PTPRD: variants seen among roughly 807,000 people sequenced by gnomAD.
PTPRD encodes the protein protein tyrosine phosphatase receptor type D.
A neutral mutation model predicts 214.5 loss-of-function variants in PTPRD; 34 were observed. That is an observed-to-expected ratio of 0.16 (90% CI 0.12 to 0.21). PTPRD has a LOEUF of 0.21. Ranked by LOEUF, PTPRD falls within the 10% of genes least tolerant of loss-of-function variation. The pLI, the probability that PTPRD is intolerant of heterozygous loss-of-function variation, is 1.00. For synonymous variants in PTPRD, 1,128 were observed against 845.7 expected, an observed-to-expected ratio of 1.33 and a Z score of -5.79; for missense variants, 2,545 against 2,398.7, an observed-to-expected ratio of 1.06 and a Z score of -1.27.
At chr9:8,625,854 C>T (rs561719297) in intron 14 of PTPRD, among the ~76,000 whole-genome samples, 3 of 150,436 alleles carry the variant, frequency 2.0e-5, no homozygotes, top group Admixed American at 1.3e-4. Context: ...GACTATTCCC[C>T]GATTGCCCAG....
At chr9:9,567,875 C>A (rs1563743081) in intron 8 of PTPRD, among the ~76,000 whole-genome samples, 1 of 151,852 alleles carries the variant, frequency 6.6e-6, no homozygotes. Flanking sequence ...AAGGTATTTG[C>A]TGGCAATAGG....
In PTPRD at chr9:8,820,658, T is replaced by C. The variant is rs549749421; in HGVS notation, c.-103-86712A>G. ...TATGCCTTTTTCTGGCATGGTAATA[T>C]TTTGTATTTAAAGAAATCAATTTCT... On this transcript the variant is annotated intron_variant, in intron 11 of 45. Coordinates refer to ENST00000381196, the MANE Select transcript of PTPRD (RefSeq NM_002839.4). Among the ~76,000 whole-genome samples the C allele has an allele frequency of 9.2e-5, 14 of 152,248 alleles. 1 individual carries two copies. Among genetic ancestry groups the C allele is most frequent in the African/African-American group, 3.4e-4 (14 of 41,566 alleles).
At chr9:9,736,350 T>C (rs1237207659) in intron 6 of PTPRD, among the ~76,000 whole-genome samples, 2 of 152,104 alleles carry the variant, frequency 1.3e-5, no homozygotes, top group Non-Finnish European at 2.9e-5. Flanking sequence ...TCATTCATCT[T>C]GTTGCTCATA....
intron 3 of PTPRD, among the ~76,000 whole-genome samples, chr9:10,263,642 T>C (rs1246683960): frequency 6.6e-6 from 1 of 151,902 alleles, no homozygotes; most frequent in Non-Finnish European, 1.5e-5. Context: ...AAGCAAAAAA[T>C]AAGAGTTTGG....
At chr9:10,071,666 A>G (rs2098019917) in intron 3 of PTPRD, among the ~76,000 whole-genome samples, 1 of 152,044 alleles carries the variant, frequency 6.6e-6, no homozygotes. Context: ...ATAAGTCTAA[A>G]ACTCTAAAAA....
At chr9:9,418,380 C>T (rs2077612773) in intron 8 of PTPRD, among the ~76,000 whole-genome samples, 1 of 151,930 alleles carries the variant, frequency 6.6e-6, no homozygotes, top group Non-Finnish European at 1.5e-5. Flanking sequence ...ACATAACTCA[C>T]TGGTCATGTT....
At chr9:10,588,919 G>T (rs1187521212) in intron 2 of PTPRD, among the ~76,000 whole-genome samples, 1 of 151,870 alleles carries the variant, frequency 6.6e-6, no homozygotes, top group South Asian at 2.1e-4. Context: ...CATTTTACTT[G>T]GTCTATTTCT....
chr9:9,293,878 A>G (rs1952067753), intron 9 of PTPRD, among the ~76,000 whole-genome samples: 2 of 151,536 alleles, frequency 1.3e-5, no homozygotes, highest in South Asian at 4.1e-4. Flanking sequence ...TTCACAGATA[A>G]AAGATCTTAG....
chr9:9,293,775 C>T (rs956789879), intron 9 of PTPRD, among the ~76,000 whole-genome samples: 4 of 151,592 alleles, frequency 2.6e-5, no homozygotes, highest in African/African-American at 9.7e-5. Flanking sequence ...CCTTTTCCAT[C>T]TTAACTAAGC....
At chr9:9,142,507 A>G (rs1252247846) in intron 10 of PTPRD, among the ~76,000 whole-genome samples, 1 of 152,248 alleles carries the variant, frequency 6.6e-6, no homozygotes, top group African/African-American at 2.4e-5. Context: ...ATCAATTCTT[A>G]GAAATTTTGC....
intron 20 of PTPRD, 119 bp downstream of exon 20, chr9:8,521,158 A>G (rs1391742242): frequency 8.3e-7 from 1 of 1,198,460 alleles, no homozygotes; most frequent in Non-Finnish European, 1.1e-6. Flanking sequence ...TAGGTTATAC[A>G]CACATTTAAA....
chr9:9,386,181 T>C (rs916569682), intron 9 of PTPRD, among the ~76,000 whole-genome samples: 1 of 152,156 alleles, frequency 6.6e-6, no homozygotes, highest in Non-Finnish European at 1.5e-5. Flanking sequence ...ATGTTTCCAA[T>C]GACATGCATC....
chr9:8,334,935 C>T (rs951304718), intron 43 of PTPRD, among the ~76,000 whole-genome samples: 7 of 148,238 alleles, frequency 4.7e-5, no homozygotes, highest in East Asian at 2.0e-4. Flanking sequence ...TTCCTGGAGA[C>T]GTACACCCTC....
chr9:9,757,725 T>A (rs1236549064), intron 6 of PTPRD, among the ~76,000 whole-genome samples: 1 of 152,008 alleles, frequency 6.6e-6, no homozygotes. Flanking sequence ...CAGTTTCTCA[T>A]ATAAATATAA....
At chr9:10,289,301 C>G (rs1421180587) in intron 3 of PTPRD, among the ~76,000 whole-genome samples, 1 of 152,090 alleles carries the variant, frequency 6.6e-6, no homozygotes, top group Non-Finnish European at 1.5e-5. Flanking sequence ...AGCAAGGCAG[C>G]AACTTTTACA....
intron 8 of PTPRD, among the ~76,000 whole-genome samples, chr9:9,479,303 C>T (rs1202474830): frequency 3.9e-5 from 5 of 127,296 alleles, no homozygotes; most frequent in African/African-American, 1.5e-4. Flanking sequence ...TTCAGGAAAG[C>T]AAATAAAAAC....
chr9:10,582,708 G>A (rs1276253822), intron 2 of PTPRD, among the ~76,000 whole-genome samples: 1 of 152,074 alleles, frequency 6.6e-6, no homozygotes, highest in Non-Finnish European at 1.5e-5. Flanking sequence ...AAAGATAAAT[G>A]CAGACCTACT....
chr9:8,625,688 G>C (rs115121143), intron 14 of PTPRD, among the ~76,000 whole-genome samples: 1 of 151,498 alleles, frequency 6.6e-6, no homozygotes, highest in East Asian at 1.9e-4. Context: ...CTGTGTTAAA[G>C]GGTGAAAATA....
In PTPRD at chr9:10,346,868, C is replaced by T. The variant is rs547808075; in HGVS notation, c.-599-5851G>A. ...AGGCCTTACAGCAAGGGTCATAGCTCTGAGTAATCTTAGATCTATCCATCT... is the reference window on the plus strand; with the variant it reads ...AGGCCTTACAGCAAGGGTCATAGCTTTGAGTAATCTTAGATCTATCCATCT... On this transcript the variant is annotated intron_variant, in intron 2 of 45. Coordinates refer to ENST00000381196, the MANE Select transcript of PTPRD (RefSeq NM_002839.4). 6.3e-4 allele frequency among the ~76,000 whole-genome samples: 96 copies of T among 152,214 alleles called. 1 individual carries two copies. The South Asian group carries it at 0.014, about 22-fold the overall frequency.
Sources: allele counts gnomAD v4.1 joint callset (sites outside exome capture counted in the v4.1 genomes callset), GRCh38; gene constraint gnomAD v4.1.1; transcripts MANE v1.5; gene names NCBI Gene and HGNC (gene_info 2026-07-23, HGNC 2026-07-21).